The following RNF38 variants were observed in gnomAD, a reference collection of about 807,000 sequenced individuals.
The protein encoded by RNF38 is E3 ubiquitin-protein ligase RNF38.
A neutral mutation model predicts 67.2 loss-of-function variants in RNF38; 15 were observed. The observed-to-expected ratio is 0.22, with a 90% confidence interval of 0.15 to 0.34. The LOEUF is 0.34. Among genes scored for constraint, RNF38 ranks in the 10% least tolerant of loss-of-function variants. The pLI is 1.00. For missense variants in RNF38, 524 were observed against 639.9 expected, an observed-to-expected ratio of 0.82 and a Z score of 1.95; for synonymous variants, 220 against 218.8, an observed-to-expected ratio of 1.01 and a Z score of -0.05.
chr9:36,479,282 T>C (rs1049581104), intron 1 of RNF38, among the ~76,000 whole-genome samples: 5 of 152,180 alleles, frequency 3.3e-5, no homozygotes, highest in African/African-American at 1.2e-4. Context: ...CAAAGCTTCT[T>C]TGTATAATGG....
At chr9:36,378,467 T>G (rs1452256624) in intron 2 of RNF38, among the ~76,000 whole-genome samples, 1 of 152,182 alleles carries the variant, frequency 6.6e-6, no homozygotes, top group Non-Finnish European at 1.5e-5. Flanking sequence ...TGAGTTACCA[T>G]GCCCAGCTTA....
At chr9:36,427,746 T>C (rs997152445) in intron 1 of RNF38, among the ~76,000 whole-genome samples, 3 of 151,940 alleles carry the variant, frequency 2.0e-5, no homozygotes, top group Non-Finnish European at 4.4e-5. Context: ...GTTTCACTCT[T>C]GTTGCCCACA....
At chr9:36,434,534 C>T (rs368542119) in intron 1 of RNF38, among the ~76,000 whole-genome samples, 30 of 152,228 alleles carry the variant, frequency 2.0e-4, no homozygotes, top group African/African-American at 6.3e-4. Context: ...TACACGCATG[C>T]GCCACCAGGC....
chr9:36,390,509 G>A lies in RNF38; in HGVS notation c.120C>T (p.Asn40=). The A allele has an allele frequency of 6.2e-7, 1 of 1,614,090 alleles. No homozygotes were observed. Among genetic ancestry groups the A allele is most frequent in the Non-Finnish European group, 8.5e-7 (1 of 1,179,954 alleles). The change falls in exon 2 of 12, where the codon AAC becomes AAT. Residue 40 remains asparagine, a synonymous_variant. Coordinates refer to ENST00000259605, the MANE Select transcript of RNF38 (RefSeq NM_022781.5). ...AGTGAGCATCCTCTTGAACGGTAGT[G>A]TTCTGATCACTTGGGAGGAGAGGGA... ...SLFPLLPSDQ[N]TTVQEDAHFK... is the part of the protein sequence containing the mutation.
At chr9:36,346,690 A>G (rs1021223490) in intron 9 of RNF38, among the ~76,000 whole-genome samples, 1 of 7,408 alleles carries the variant, frequency 1.3e-4, no homozygotes, top group African/African-American at 1.6e-4. Context: ...GTCAACAGTT[A>G]ATGTAATAAC....
chr9:36,390,499 G>C lies in RNF38; in HGVS notation c.130C>G (p.Gln44Glu), dbSNP rs1348944396. The stretch of plus-strand genomic sequence containing the variant: ...AAAGCTTTGAAGTGAGCATCCTCTT[G>C]AACGGTAGTGTTCTGATCACTTGGG... ...LLPSDQNTTV[Q>E]EDAHFKAFFQ... The change falls in exon 2 of 12, where the codon CAA becomes GAA. Residue 44 changes from glutamine to glutamate, a missense_variant. By Grantham distance (29) the Gln-to-Glu change is conservative. Coordinates refer to ENST00000259605, the MANE Select transcript of RNF38 (RefSeq NM_022781.5). 6.2e-7 allele frequency: 1 copy of C among 1,613,856 alleles called. No individual in the cohort carries two copies. The highest frequency in any genetic ancestry group is 2.2e-5 in the East Asian group (1 of 44,800).
rs1388010703 is a variant in RNF38 at position 36,466,859 on chromosome 9, T to C, written n.241+20449A>G. Among the ~76,000 whole-genome samples the C allele has an allele frequency of 2.6e-5, 4 of 151,778 alleles. No individual in the cohort carries two copies. The South Asian group carries it at 8.3e-4, about 32-fold the overall frequency. On this transcript the variant is annotated intron_variant and non_coding_transcript_variant, in intron 1 of 3. Coordinates refer to the RNF38 transcript ENST00000488058. ...TATTTTTGTAATCAGAAGACAATAA[T>C]GTCTACTTATAAAAAAATTTGAAAA... is the stretch of plus-strand genomic sequence containing the variant.
intron 11 of RNF38, among the ~76,000 whole-genome samples, chr9:36,341,942 T>C (rs1173426095): frequency 6.6e-6 from 1 of 152,048 alleles, no homozygotes; most frequent in Non-Finnish European, 1.5e-5. Flanking sequence ...TGTTCATATA[T>C]ACAAAGGAGA....
intron 4 of RNF38, among the ~76,000 whole-genome samples, chr9:36,365,751 C>T (rs1587517581): frequency 1.4e-5 from 2 of 142,520 alleles, no homozygotes; most frequent in Admixed American, 7.4e-5. Flanking sequence ...CTGCAACCTC[C>T]GCCTCCCGGG....
intron 1 of RNF38, among the ~76,000 whole-genome samples, chr9:36,436,425 G>A (rs1042614019): frequency 2.0e-5 from 3 of 152,146 alleles, no homozygotes; most frequent in Non-Finnish European, 4.4e-5. Flanking sequence ...AGTAATGACA[G>A]ACTCATATAG....
chr9:36,411,797 T>C (rs1838332852), intron 2 of RNF38, among the ~76,000 whole-genome samples: 1 of 152,036 alleles, frequency 6.6e-6, no homozygotes, highest in African/African-American at 2.4e-5. Flanking sequence ...TTCAAACTCC[T>C]GACTTCAAGT....
chr9:36,365,855 G>A (rs1051571658), intron 4 of RNF38, among the ~76,000 whole-genome samples: 2 of 151,612 alleles, frequency 1.3e-5, no homozygotes, highest in African/African-American at 4.8e-5. Flanking sequence ...TAGTAGAGAC[G>A]GGGTTTCACC....
intron 4 of RNF38, among the ~76,000 whole-genome samples, chr9:36,368,867 G>T (rs35707497): frequency 2.9e-3 from 438 of 151,680 alleles, no homozygotes; most frequent in Non-Finnish European, 4.8e-3. Flanking sequence ...TTTTTATAAG[G>T]ACATGCTTAG....
chr9:36,385,228 T>C lies in RNF38; in HGVS notation c.162+5239A>G, dbSNP rs142391412. ...ACCATTTCTTGATCAGATTTTGTTA[T>C]GAGAGGAAAAGTGGATTTTATACAA... On this transcript the variant is annotated intron_variant, in intron 2 of 11. Coordinates refer to ENST00000259605, the MANE Select transcript of RNF38 (RefSeq NM_022781.5). Among the ~76,000 whole-genome samples, 478 of 152,260 alleles carry C rather than the reference T, an allele frequency of 3.1e-3. 4 individuals carry two copies. The highest frequency in any genetic ancestry group is 0.011 in the African/African-American group (457 of 41,550).
intron 2 of RNF38, among the ~76,000 whole-genome samples, chr9:36,386,296 A>G (rs910977591): frequency 8.5e-5 from 13 of 152,326 alleles, no homozygotes; most frequent in African/African-American, 3.1e-4. Context: ...CTTTTCTTCA[A>G]TAATCTTCCA....
intron 1 of RNF38, among the ~76,000 whole-genome samples, chr9:36,477,019 A>C (rs987187680): frequency 2.4e-4 from 36 of 152,094 alleles, no homozygotes; most frequent in Admixed American, 1.8e-3. Flanking sequence ...TGAAGTTTAC[A>C]GTCTTAAAGT....
chr9:36,347,229 A>G (rs933639402), intron 9 of RNF38, among the ~76,000 whole-genome samples: 1 of 150,504 alleles, frequency 6.6e-6, no homozygotes, highest in African/African-American at 2.5e-5. Flanking sequence ...ATGATCTTTT[A>G]TATCTCTTAG....
chr9:36,397,377 G>T (rs1252588403), intron 1 of RNF38, among the ~76,000 whole-genome samples: 1 of 152,030 alleles, frequency 6.6e-6, no homozygotes, highest in East Asian at 1.9e-4. Flanking sequence ...GCCTCCCAAA[G>T]TGCTGGGATT....
chr9:36,339,819 A>G lies in RNF38; in HGVS notation c.1486-5T>C. The G allele has an allele frequency of 6.2e-7, 1 of 1,610,728 alleles. No homozygotes were observed. Among genetic ancestry groups the G allele is most frequent in the Non-Finnish European group, 8.5e-7 (1 of 1,177,898 alleles). On this transcript the variant is annotated splice_polypyrimidine_tract_variant and splice_region_variant and intron_variant, in intron 11 of 11. Coordinates refer to ENST00000259605, the MANE Select transcript of RNF38 (RefSeq NM_022781.5). ...AATTGGGCAAGTACGATTTGCCTAC[A>G]AAACAAAAAGGAAAACTTGTTTAAA...
Sources: gnomAD v4.1 joint callset for allele counts (sites outside exome capture counted in the v4.1 genomes callset) on GRCh38, gnomAD v4.1.1 for gene constraint, MANE v1.5 for transcripts, NCBI Gene and HGNC (gene_info 2026-07-23, HGNC 2026-07-21) for gene names.